Variants in CFAP54 observed in about 807,000 individuals in gnomAD.
CFAP54 encodes cilia- and flagella-associated protein 54.
A neutral mutation model predicts 370.4 loss-of-function variants in CFAP54; 290 were observed. The ratio of observed to expected loss-of-function variants is 0.78; its 90% CI spans 0.71 to 0.86. CFAP54 has a LOEUF of 0.86. Ranked by LOEUF, CFAP54 falls within the 40% of genes least tolerant of loss-of-function variation. The pLI is 0.00. For missense variants in CFAP54, 3,399 were observed against 3,528.7 expected (o/e 0.96, Z 0.93); for synonymous variants, 1,206 against 1,236.5 (o/e 0.98, Z 0.52).
chr12:96,686,382 G>A (rs970557747), intron 42 of CFAP54, among the ~76,000 whole-genome samples: 11 of 152,148 alleles, frequency 7.2e-5, no homozygotes, highest in African/African-American at 2.7e-4. Context: ...GGTATGTTAG[G>A]CTGTTCTTGC....
chr12:96,659,440 A>T (rs912441927), intron 38 of CFAP54, among the ~76,000 whole-genome samples: 2 of 152,188 alleles, frequency 1.3e-5, no homozygotes, highest in African/African-American at 4.8e-5. Flanking sequence ...TAGAGCTGAC[A>T]ATACTTTCAG....
intron 66 of CFAP54, among the ~76,000 whole-genome samples, chr12:96,838,019 A>G (rs1302223338): frequency 6.6e-6 from 1 of 152,216 alleles, no homozygotes; most frequent in Non-Finnish European, 1.5e-5. Context: ...TATGAAGTTA[A>G]GTTAGTGGGT....
At chr12:96,563,568 C>T (rs561419931) in intron 17 of CFAP54, among the ~76,000 whole-genome samples, 24 of 152,210 alleles carry the variant, frequency 1.6e-4, no homozygotes, top group Non-Finnish European at 2.9e-4. Flanking sequence ...GCACTATTTT[C>T]TGCTCTGCAT....
intron 55 of CFAP54, among the ~76,000 whole-genome samples, chr12:96,751,155 A>G (rs1047301326): frequency 6.6e-6 from 1 of 152,180 alleles, no homozygotes; most frequent in Non-Finnish European, 1.5e-5. Context: ...TACATGAAAA[A>G]GTAGATTACT....
Position 96,521,888 on chromosome 12 carries a change from A to T in CFAP54, c.974A>T (p.Asp325Val), listed in dbSNP as rs867815101. 1.3e-6 allele frequency: 2 copies of T among 1,531,282 alleles called. No homozygotes were observed. Among genetic ancestry groups the T allele is most frequent in the Non-Finnish European group, 1.7e-6 (2 of 1,142,972 alleles). The allele number at this position is 1,531,282 out of a possible 1,614,324, so 94.9% of individuals were successfully genotyped here. The part of the protein sequence containing the change: ...AFARRALAKI[D>V]ELRQLELMSS... ...GCTCGGCGTGCTTTGGCTAAAATTG[A>T]TGAGTTAAGGCAACTGGAATTAATG... The change falls in exon 7 of 68, where the codon GAT becomes GTT. Residue 325 changes from aspartate (D) to valine (V), a missense_variant. This residue lies in a region of CFAP54 where 559 missense variants were observed against 576.7 expected (regional missense o/e 0.97). Transcript: ENST00000524981.
intron 39 of CFAP54, 130 bp from the exon 40 acceptor site, chr12:96,679,470 G>A: frequency 4.5e-6 from 4 of 895,562 alleles, no homozygotes; most frequent in Non-Finnish European, 6.3e-6. Flanking sequence ...ACCTGCTGCA[G>A]ATCTGGGGGC....
In CFAP54 at chr12:96,784,152, A is replaced by G. The variant is rs141976443; in HGVS notation, c.8282-565A>G. 6.8e-4 allele frequency among the ~76,000 whole-genome samples: 104 copies of G among 152,350 alleles called. 1 individual carries two copies. Among genetic ancestry groups the G allele is most frequent in the Middle Eastern group, 3.4e-3 (1 of 294 alleles). On this transcript the variant is annotated intron_variant, in intron 60 of 67. Coordinates refer to ENST00000524981, the MANE Select transcript of CFAP54 (RefSeq NM_001306084.2). The stretch of plus-strand genomic sequence containing the variant: ...AAACTCTTGGTACACATATATGGGT[A>G]TCTGCATTTTCAGTTTTCTTAGATC...
chr12:96,566,348 A>G (rs1955865249), intron 19 of CFAP54, among the ~76,000 whole-genome samples: 1 of 152,204 alleles, frequency 6.6e-6, no homozygotes, highest in Admixed American at 6.5e-5. Context: ...GGGACTGGCC[A>G]GCATCACTAA....
chr12:96,699,930 ATTGT>A, intron 45 of CFAP54, 37 bp from the exon 46 acceptor site: 1 of 1,483,394 alleles, frequency 6.7e-7, no homozygotes, highest in Non-Finnish European at 9.2e-7. Flanking sequence ...AGTAAAACAA[ATTGT>A]TTAATTAAGT....
chr12:96,771,606 A>G (rs139720998), intron 60 of CFAP54, among the ~76,000 whole-genome samples: 3 of 151,972 alleles, frequency 2.0e-5, no homozygotes, highest in Admixed American at 2.0e-4. Flanking sequence ...GAGCCGAGAT[A>G]GCGCCACTGC....
At chr12:96,600,814 T>C (rs943559503) in intron 26 of CFAP54, among the ~76,000 whole-genome samples, 1 of 152,184 alleles carries the variant, frequency 6.6e-6, no homozygotes, top group Non-Finnish European at 1.5e-5. Flanking sequence ...GATTTTGTAT[T>C]CTGAGACTTT....
intron 67 of CFAP54, among the ~76,000 whole-genome samples, chr12:96,864,487 C>T (rs1429522728): frequency 1.3e-5 from 2 of 152,148 alleles, no homozygotes; most frequent in Non-Finnish European, 2.9e-5. Flanking sequence ...GCTCAGCCAA[C>T]GTGTTCGTCA....
At chr12:96,607,823 A>G (rs184887353) in intron 26 of CFAP54, among the ~76,000 whole-genome samples, 37 of 152,108 alleles carry the variant, frequency 2.4e-4, no homozygotes, top group African/African-American at 7.2e-4. Flanking sequence ...CAGTGATGCT[A>G]GAAGTTAAAA....
At chr12:96,789,553 T>A (rs1958664437) in intron 62 of CFAP54, among the ~76,000 whole-genome samples, 1 of 152,060 alleles carries the variant, frequency 6.6e-6, no homozygotes, top group Admixed American at 6.6e-5. Context: ...TATGTAAGAG[T>A]TTGGAAACTA....
intron 5 of CFAP54, among the ~76,000 whole-genome samples, chr12:96,515,918 T>TG (rs1955227066): frequency 8.4e-6 from 1 of 119,044 alleles, no homozygotes; most frequent in Non-Finnish European, 1.7e-5. Context: ...CTATGTTTTT[T>TG]TTTTTTTTTT....
chr12:96,729,557 T>C (rs1203085973), intron 50 of CFAP54, among the ~76,000 whole-genome samples: 2 of 152,184 alleles, frequency 1.3e-5, no homozygotes. Flanking sequence ...AGTATTCGGG[T>C]GGGAGTGACC....
intron 22 of CFAP54, among the ~76,000 whole-genome samples, chr12:96,582,400 A>T (rs979241553): frequency 5.3e-5 from 8 of 152,128 alleles, no homozygotes; most frequent in African/African-American, 1.9e-4. Flanking sequence ...AAATTTTGTC[A>T]TATTTCTATT....
intron 66 of CFAP54, among the ~76,000 whole-genome samples, chr12:96,833,369 C>T (rs1042310032): frequency 2.6e-5 from 4 of 152,106 alleles, no homozygotes; most frequent in Non-Finnish European, 5.9e-5. Context: ...CCACCAGCTA[C>T]GTATAGAACA....
intron 8 of CFAP54, among the ~76,000 whole-genome samples, chr12:96,524,892 A>T (rs1955360343): frequency 6.6e-6 from 1 of 152,194 alleles, no homozygotes; most frequent in Non-Finnish European, 1.5e-5. Flanking sequence ...TATCATTATT[A>T]CTTTAGTTCT....
Sources: allele counts gnomAD v4.1 joint callset (sites outside exome capture counted in the v4.1 genomes callset), GRCh38; gene constraint gnomAD v4.1.1; regional missense constraint gnomAD v4.1.1; transcripts MANE v1.5; gene names NCBI Gene and HGNC (gene_info 2026-07-23, HGNC 2026-07-21).